PLCE1: variants seen among roughly 807,000 people sequenced by gnomAD.
PLCE1 encodes 1-phosphatidylinositol 4,5-bisphosphate phosphodiesterase epsilon-1.
In PLCE1, 119 loss-of-function variants were observed where a neutral mutation model predicts 242.8. The ratio of observed to expected loss-of-function variants is 0.49; its 90% CI spans 0.42 to 0.57. PLCE1 has a LOEUF of 0.57. PLCE1 is among the 20% of genes least tolerant of loss of function. The probability of loss-of-function intolerance (pLI) is 0.00; values close to 1 mark genes in which losing one functional copy is unlikely to be tolerated. For missense variants in PLCE1, 2,441 were observed against 2,788.8 expected (o/e 0.88, Z 2.81); for synonymous variants, 945 against 1,017.4 (o/e 0.93, Z 1.35).
At chr10:94,086,654 T>C (rs759005115) in intron 2 of PLCE1, among the ~76,000 whole-genome samples, 4 of 152,208 alleles carry the variant, frequency 2.6e-5, no homozygotes, top group Non-Finnish European at 4.4e-5. Flanking sequence ...AAAATGTGTA[T>C]TTATTATAAT....
intron 11 of PLCE1, among the ~76,000 whole-genome samples, chr10:94,256,894 A>G (rs187548728): frequency 5.4e-4 from 83 of 152,324 alleles, no homozygotes; most frequent in African/African-American, 6.0e-4. Flanking sequence ...TGATAGTGGG[A>G]AGAGTGGACA....
intron 1 of PLCE1, among the ~76,000 whole-genome samples, chr10:94,021,801 TAA>T (rs2061381029): frequency 6.6e-6 from 1 of 152,148 alleles, no homozygotes; most frequent in South Asian, 2.1e-4. Context: ...GTTAACCTAT[TAA>T]GAGAGGAAAA....
chr10:94,040,606 A>G (rs1319365882), intron 2 of PLCE1, among the ~76,000 whole-genome samples: 9 of 152,266 alleles, frequency 5.9e-5, no homozygotes, highest in Admixed American at 5.9e-4. Context: ...TGCCACCCAT[A>G]TACTTCTTAG....
Position 94,324,960 on chromosome 10 carries a change from T to G in PLCE1, c.6789T>G (p.Thr2263=). ...ASELKKLTKS[T]KQPRGLTSPS... is the part of the protein sequence containing the mutation. ...AACTCAAGAAGCTCACCAAGTCAACTAAACAGCCCCGAGGACTTACATCAC... is the reference window on the plus strand; with the variant it reads ...AACTCAAGAAGCTCACCAAGTCAACGAAACAGCCCCGAGGACTTACATCAC... The change falls in exon 32 of 33, where the codon ACT becomes ACG. Residue 2263 remains threonine (T), a synonymous_variant. Transcript: ENST00000371380. The G allele has an allele frequency of 6.2e-7, 1 of 1,614,156 alleles. No homozygotes were observed. The highest frequency in any genetic ancestry group is 1.6e-4 in the Middle Eastern group (1 of 6,062).
chr10:94,097,096 A>G (rs528213730), intron 2 of PLCE1, among the ~76,000 whole-genome samples: 1 of 152,238 alleles, frequency 6.6e-6, no homozygotes, highest in Non-Finnish European at 1.5e-5. Flanking sequence ...ACTGAGGACC[A>G]GAGACATGGA....
rs188525609 is a variant in PLCE1, at chr10:94,138,773, G to T, written c.1492+6314G>T. On this transcript the variant is annotated intron_variant, in intron 3 of 32. Coordinates refer to ENST00000371380, the MANE Select transcript of PLCE1 (RefSeq NM_016341.4). The stretch of plus-strand genomic sequence containing the variant: ...TGACTACTTCAAATACTTTGGACCA[G>T]ATTTCAAGCTTCATATCAGTCTTTC... 3.0e-3 allele frequency: 688 copies of T among 225,974 alleles called. 1 individual carries two copies. The highest frequency in any genetic ancestry group is 5.0e-3 in the Middle Eastern group (3 of 598). 14.0% of individuals were successfully genotyped at this position (225,974 alleles called of 1,614,324 possible).
At chr10:94,130,156 C>T (rs1427344854) in intron 2 of PLCE1, among the ~76,000 whole-genome samples, 3 of 152,300 alleles carry the variant, frequency 2.0e-5, no homozygotes, top group African/African-American at 4.8e-5. Flanking sequence ...TGGAGATGGC[C>T]TGTATGATTT....
chr10:94,216,137 T>C (rs903929248), intron 4 of PLCE1, among the ~76,000 whole-genome samples: 1 of 152,212 alleles, frequency 6.6e-6, no homozygotes, highest in Non-Finnish European at 1.5e-5. Flanking sequence ...CATAGGCTTG[T>C]TGTAGGATTA....
rs2053202671 is a variant in PLCE1, at chr10:94,306,280, T to G, written c.5623-147T>G. On this transcript the variant is annotated intron_variant, in intron 25 of 32. Transcript: ENST00000371380. This position sits in a 1 kb window ranked among gnomAD's most constrained non-coding sequence, Gnocchi z 5.7. ...CCACCGCGCCCAGCCCTACAATCAC[T>G]TACTTTTTAAACAGTTTTATTCATC... The G allele has an allele frequency of 6.9e-7, 1 of 1,439,548 alleles. No individual in the cohort carries two copies. The allele number at this position is 1,439,548 out of a possible 1,614,324, so 89.2% of individuals were successfully genotyped here.
At chr10:94,064,131 G>A (rs2044135779) in intron 2 of PLCE1, among the ~76,000 whole-genome samples, 1 of 152,092 alleles carries the variant, frequency 6.6e-6, no homozygotes, top group African/African-American at 2.4e-5. Flanking sequence ...TGCCCTCCAT[G>A]TTTTTACACA....
Position 94,236,045 on chromosome 10 carries a change from AGACAGACGAGGAG to A in PLCE1, c.2351_2363del (p.Asp784AlafsTer13). 6.2e-7 allele frequency: 1 copy of A among 1,614,110 alleles called. No homozygotes were observed. The highest frequency in any genetic ancestry group is 8.5e-7 in the Non-Finnish European group (1 of 1,179,980). On this transcript the variant is annotated frameshift_variant, in exon 7 of 33. Transcript: ENST00000371380. LOFTEE classifies it high-confidence loss of function. ...ATCCGGAGCTGCAATCGAAGTCTGG[AGACAGACGAGGAG>A]GACAGCCCCAGTGAAGGAAACAGCT... is the stretch of plus-strand genomic sequence containing the variant.
chr10:94,261,151 C>T (rs1034480461), intron 13 of PLCE1, among the ~76,000 whole-genome samples: 75 of 152,236 alleles, frequency 4.9e-4, no homozygotes, highest in Non-Finnish European at 5.0e-4. Context: ...TTCCATCCCC[C>T]CCGCGACCTC....
At chr10:94,178,796 C>T (rs11187801) in intron 4 of PLCE1, among the ~76,000 whole-genome samples, 18,468 of 152,124 alleles carry the variant, frequency 0.12, 2,444 homozygotes, top group African/African-American at 0.33. Flanking sequence ...CATATTATAA[C>T]GATGTGAGGC....
chr10:94,232,772 C>T (rs2050188912), intron 5 of PLCE1, among the ~76,000 whole-genome samples: 2 of 152,180 alleles, frequency 1.3e-5, no homozygotes, highest in South Asian at 4.1e-4. Flanking sequence ...CCCCTCCTGA[C>T]TCACAGGAAA....
chr10:94,043,228 A>G (rs945123328), intron 2 of PLCE1, among the ~76,000 whole-genome samples: 3 of 152,214 alleles, frequency 2.0e-5, no homozygotes, highest in African/African-American at 7.2e-5. Context: ...CAGAGGAGGC[A>G]ACAAAACAAA....
chr10:94,019,613 T>C (rs2061341838), intron 1 of PLCE1, among the ~76,000 whole-genome samples: 1 of 152,336 alleles, frequency 6.6e-6, no homozygotes, highest in Non-Finnish European at 1.5e-5. Context: ...TGTTTGCCAC[T>C]AGCCACATGT....
chr10:94,017,161 G>A (rs1223616), intron 1 of PLCE1, among the ~76,000 whole-genome samples: 76,472 of 151,854 alleles, frequency 0.5, 19,696 homozygotes, highest in East Asian at 0.73. Flanking sequence ...GGACAGGTCA[G>A]AGCCACCCTG....
chr10:94,261,520 G>T (rs1001577913), intron 13 of PLCE1, among the ~76,000 whole-genome samples: 1 of 152,232 alleles, frequency 6.6e-6, no homozygotes, highest in Non-Finnish European at 1.5e-5. Context: ...AAATACCTAA[G>T]AGTGCAATTG....
chr10:94,049,626 TTGAAGTA>T (rs752234048), intron 2 of PLCE1, among the ~76,000 whole-genome samples: 1 of 151,946 alleles, frequency 6.6e-6, no homozygotes, highest in Non-Finnish European at 1.5e-5. Flanking sequence ...ATAATTATTG[TTGAAGTA>T]TAACACATCT....
Sources: allele counts gnomAD v4.1 joint callset (sites outside exome capture counted in the v4.1 genomes callset), GRCh38; gene constraint gnomAD v4.1.1; non-coding constraint Gnocchi (gnomAD v3.1); transcripts MANE v1.5; gene names NCBI Gene and HGNC (gene_info 2026-07-23, HGNC 2026-07-21).